ITGA8: variants seen among roughly 807,000 people sequenced by gnomAD.
ITGA8 encodes the protein integrin subunit alpha 8, also known as integrin alpha-8.
In ITGA8, 91 loss-of-function variants were observed where a neutral mutation model predicts 142.3. The observed-to-expected ratio is 0.64, with a 90% CI of 0.54 to 0.76. The LOEUF (loss-of-function observed/expected upper bound fraction) is 0.76. ITGA8 is among the 30% of genes least tolerant of loss of function. ITGA8 has a pLI of 0.00. For synonymous variants in ITGA8, 505 were observed against 485.2 expected (o/e 1.04, Z -0.54); for missense variants, 1,406 against 1,327.7 (o/e 1.06, Z -0.92).
At chr10:15,597,483 T>C (rs1833029390) in intron 20 of ITGA8, among the ~76,000 whole-genome samples, 184 bp from the exon 21 acceptor site, 1 of 152,150 alleles carries the variant, frequency 6.6e-6, no homozygotes, top group Non-Finnish European at 1.5e-5. Flanking sequence ...AAAGTTAAAT[T>C]TTAGAAATAA....
rs9333253 is a variant in ITGA8 at position 15,516,993 on chromosome 10, A to G, written c.*165T>C. 8.2e-6 allele frequency: 4 copies of G among 490,028 alleles called. No homozygotes were observed. The highest frequency in any genetic ancestry group is 1.1e-5 in the Non-Finnish European group (3 of 278,340). 30.4% of individuals were successfully genotyped at this position (490,028 alleles called of 1,614,324 possible). A position where few individuals can be genotyped will look rare whatever the true frequency, so the allele number is the denominator to read the frequency against. ...ACAGGGCTCACTGGGCACCCAGGAC[A>G]ATTTCTCCAAAGTGCGGTGTAGATG... is the stretch of plus-strand genomic sequence containing the variant. On this transcript the variant is annotated 3_prime_UTR_variant, in exon 30 of 30. Transcript: ENST00000378076.
intron 23 of ITGA8, among the ~76,000 whole-genome samples, chr10:15,579,781 T>C (rs1175972573): frequency 2.6e-5 from 4 of 151,988 alleles, no homozygotes; most frequent in Non-Finnish European, 5.9e-5. Flanking sequence ...ATGAGTCAAC[T>C]CATGACTAAG....
At chr10:15,531,710 G>C (rs540656726) in intron 27 of ITGA8, among the ~76,000 whole-genome samples, 2 of 152,062 alleles carry the variant, frequency 1.3e-5, no homozygotes, top group East Asian at 3.9e-4. Flanking sequence ...GGCCGAGGCC[G>C]GTGGATCCCC....
intron 23 of ITGA8, among the ~76,000 whole-genome samples, chr10:15,581,333 G>T (rs563346875): frequency 6.6e-6 from 1 of 152,318 alleles, no homozygotes; most frequent in South Asian, 2.1e-4. Context: ...CATGTCAATA[G>T]CAGAAAAGTA....
intron 11 of ITGA8, among the ~76,000 whole-genome samples, chr10:15,649,825 C>G (rs933554776): frequency 2.0e-5 from 3 of 152,104 alleles, no homozygotes; most frequent in Non-Finnish European, 4.4e-5. Context: ...TGTAGAACAA[C>G]TCTAATTAAT....
intron 6 of ITGA8, among the ~76,000 whole-genome samples, chr10:15,675,599 T>C (rs1463822308): frequency 6.6e-6 from 1 of 152,242 alleles, no homozygotes; most frequent in African/African-American, 2.4e-5. Flanking sequence ...TTTGCTGATA[T>C]TTCACCTTGG....
intron 8 of ITGA8, among the ~76,000 whole-genome samples, chr10:15,662,138 T>G (rs1295676891): frequency 6.6e-6 from 1 of 152,066 alleles, no homozygotes; most frequent in Non-Finnish European, 1.5e-5. Flanking sequence ...ACCACAACTC[T>G]AAGGAGTTAT....
chr10:15,655,213 G>A (rs1463460082), intron 11 of ITGA8, 141 bp downstream of exon 11: 5 of 531,596 alleles, frequency 9.4e-6, no homozygotes, highest in Non-Finnish European at 1.6e-5. Flanking sequence ...GCATCTTCTT[G>A]TCTTGAACCA....
intron 13 of ITGA8, among the ~76,000 whole-genome samples, chr10:15,622,528 T>C (rs1467637675): frequency 6.6e-6 from 1 of 151,766 alleles, no homozygotes; most frequent in Non-Finnish European, 1.5e-5. Flanking sequence ...TGACCAAAAA[T>C]GTAGAAATCA....
At chr10:15,616,868 G>C (rs1159214276) in intron 13 of ITGA8, among the ~76,000 whole-genome samples, 1 of 152,146 alleles carries the variant, frequency 6.6e-6, no homozygotes, top group Non-Finnish European at 1.5e-5. Flanking sequence ...CCCAGGGAAG[G>C]AAAAGGGGAA....
rs563226643 is a variant in ITGA8 at position 15,669,851 on chromosome 10, G to C, written c.847+1752C>G. Among the ~76,000 whole-genome samples, 3 of 152,292 alleles carry C rather than the reference G, an allele frequency of 2.0e-5. No individual in the cohort carries two copies. In the East Asian group the frequency reaches 5.8e-4, roughly 29 times the overall value. On this transcript the variant is annotated intron_variant, in intron 8 of 29. Coordinates refer to ENST00000378076, the MANE Select transcript of ITGA8 (RefSeq NM_003638.3). The stretch of plus-strand genomic sequence containing the variant: ...CAGATATTGGTGAACCGCAGATGCT[G>C]CTGCCTGATCGTTCCTCTGGAAGTT...
At position 15,606,580 on chromosome 10, in the gene ITGA8, T is replaced by C. The variant is rs559259764; in HGVS notation, c.1765-158A>G. On this transcript the variant is annotated intron_variant, in intron 17 of 29. Coordinates refer to ENST00000378076, the MANE Select transcript of ITGA8 (RefSeq NM_003638.3). The stretch of plus-strand genomic sequence containing the variant: ...TAGATGGAGGCTGATTTATGTGGTA[T>C]ATAGTAGCCAGCATACCTAATATAT... 2.0e-5 allele frequency among the ~76,000 whole-genome samples: 3 copies of C among 152,292 alleles called. No individual in the cohort carries two copies. In the South Asian group the frequency reaches 6.2e-4, roughly 32 times the overall value.
intron 4 of ITGA8, among the ~76,000 whole-genome samples, chr10:15,679,613 A>G (rs911844872): frequency 2.6e-5 from 4 of 152,192 alleles, no homozygotes; most frequent in African/African-American, 9.7e-5. Flanking sequence ...AAATTATCCT[A>G]TTATAATAGG....
In ITGA8 at chr10:15,606,322, A is replaced by G. The variant is rs1388437372; in HGVS notation, c.1865T>C (p.Ile622Thr). Residue 622 changes from isoleucine to threonine, a missense_variant, in exon 18 of 30, where the codon ATA becomes ACA. Transcript: ENST00000378076. ...AATGTTTTCTCTGTAGTAGTTCAAT[A>G]TTGGTTTCACTTCCAGGCCTTCTTT... ...TFKEGLEVKP[I>T]LNYYRENIVS... The G allele has an allele frequency of 6.2e-7, 1 of 1,612,236 alleles. No homozygotes were observed. The highest frequency in any genetic ancestry group is 1.1e-5 in the South Asian group (1 of 90,956).
chr10:15,710,078 T>C (rs1835335673), intron 2 of ITGA8, among the ~76,000 whole-genome samples: 1 of 152,202 alleles, frequency 6.6e-6, no homozygotes. Context: ...GTGTGTTTAA[T>C]TTTTTCATTA....
rs745491606 is a variant in ITGA8, at chr10:15,644,081, A to G, written c.1348T>C (p.Phe450Leu). 5 of 1,613,914 alleles carry G rather than the reference A, an allele frequency of 3.1e-6. No individual in the cohort carries two copies. The highest frequency in any genetic ancestry group is 4.2e-6 in the Non-Finnish European group (5 of 1,179,970). ...GAATCTCCTCTTAAAGTAAAGCCAA[A>G]TCCGGAAGGGACAGCATGTGAGGCC... ...VWASHAVPSGFGFTLRGDSDI... is the reference protein window; with the variant it reads ...VWASHAVPSGLGFTLRGDSDI... The change falls in exon 13 of 30, where the codon TTT (phenylalanine) becomes CTT (leucine). Residue 450 changes from phenylalanine (F) to leucine (L), a missense_variant. Phe to Leu is a conservative substitution (Grantham distance 22, BLOSUM62 0). Coordinates refer to ENST00000378076, the MANE Select transcript of ITGA8 (RefSeq NM_003638.3).
At chr10:15,672,535 C>T in intron 7 of ITGA8, 89 bp downstream of exon 7, 1 of 1,430,796 alleles carries the variant, frequency 7.0e-7, no homozygotes, top group Non-Finnish European at 9.4e-7. Flanking sequence ...TGCCAAATAA[C>T]ATCGGATAAG....
At chr10:15,692,018 C>G (rs976288415) in intron 2 of ITGA8, among the ~76,000 whole-genome samples, 12 of 152,088 alleles carry the variant, frequency 7.9e-5, no homozygotes, top group Non-Finnish European at 5.9e-5. Context: ...TTCACTGCAG[C>G]CTCGACTTCT....
chr10:15,614,167 C>T (rs2131616972), intron 14 of ITGA8, among the ~76,000 whole-genome samples: 1 of 152,262 alleles, frequency 6.6e-6, no homozygotes, highest in South Asian at 2.1e-4. Context: ...TTTGTGAGTA[C>T]TTGAAGTTTG....
Sources: allele counts gnomAD v4.1 joint callset (sites outside exome capture counted in the v4.1 genomes callset), GRCh38; gene constraint gnomAD v4.1.1; transcripts MANE v1.5; gene names NCBI Gene and HGNC (gene_info 2026-07-23, HGNC 2026-07-21).